Variants in NOSTRIN observed in about 807,000 individuals in gnomAD.
NOSTRIN encodes BM247 homolog.
In NOSTRIN, 63 loss-of-function variants were observed where a neutral mutation model predicts 59.0. The ratio of observed to expected loss-of-function variants is 1.07; its 90% CI spans 0.87 to 1.32. NOSTRIN has a LOEUF of 1.32. NOSTRIN is among the 40% of genes most tolerant of loss of function. The probability of loss-of-function intolerance (pLI) is 0.00; values close to 1 mark genes in which losing one functional copy is unlikely to be tolerated. For missense variants in NOSTRIN, 512 were observed against 473.1 expected (o/e 1.08, Z -0.76); for synonymous variants, 200 against 165.4 (o/e 1.21, Z -1.61).
At chr2:168,831,572 T>A (rs368978425) in intron 6 of NOSTRIN, 38 bp downstream of exon 6, 21 of 829,516 alleles carry the variant, frequency 2.5e-5, no homozygotes, top group Non-Finnish European at 4.3e-5. Flanking sequence ...AAACTCAGTT[T>A]TTAGAATTGA....
chr2:168,858,494 T>C (rs1029157936), intron 12 of NOSTRIN, among the ~76,000 whole-genome samples: 8 of 152,200 alleles, frequency 5.3e-5, no homozygotes, highest in Admixed American at 3.9e-4. Context: ...TCACAAGCAG[T>C]GTCATAAGAA....
rs1689027505 is a variant in NOSTRIN at position 168,855,541 on chromosome 2, C to A, written c.964+81C>A. 5 of 564,458 alleles carry A rather than the reference C, an allele frequency of 8.9e-6. No homozygotes were observed. In the Admixed American group the frequency reaches 1.5e-4, roughly 17 times the overall value. The allele number at this position is 564,458 out of a possible 1,614,324, so 35.0% of individuals were successfully genotyped here. ...TTCATTCAGAGTTAGGATTGATCTG[C>A]TTTTGCTATTTGGCAGGGGTCTTCT... On this transcript the variant is annotated intron_variant, in intron 11 of 15. Transcript: ENST00000317647.
intron 13 of NOSTRIN, 73 bp from the exon 14 acceptor site, chr2:168,860,721 AC>A (rs1689388969): frequency 1.1e-6 from 1 of 933,484 alleles, no homozygotes; most frequent in African/African-American, 1.7e-5. Flanking sequence ...GAAAACAGCT[AC>A]AGAAGAGTTA....
At chr2:168,841,171 G>A (rs1387410824) in intron 7 of NOSTRIN, among the ~76,000 whole-genome samples, 1 of 143,770 alleles carries the variant, frequency 7.0e-6, no homozygotes. Flanking sequence ...AGGTTGCAGT[G>A]AGCCAGTGAG....
chr2:168,864,731 C>G lies in NOSTRIN; in HGVS notation c.1385-103C>G. ...GAATCAAGTGCAGAAAATGACACTA[C>G]CAAGTAAATCCTTGAAGCAGAACCT... is the stretch of plus-strand genomic sequence containing the variant. On this transcript the variant is annotated intron_variant, in intron 15 of 15. Coordinates refer to ENST00000317647, the MANE Select transcript of NOSTRIN (RefSeq NM_001039724.4). The G allele has an allele frequency of 6.7e-6, 9 of 1,346,318 alleles. No homozygotes were observed. The South Asian group carries it at 1.2e-4, about 18-fold the overall frequency. The allele number at this position is 1,346,318 out of a possible 1,614,324, so 83.4% of individuals were successfully genotyped here. A position where few individuals can be genotyped will look rare whatever the true frequency, so the allele number is the denominator to read the frequency against.
chr2:168,836,340 C>G (rs1687721017), intron 7 of NOSTRIN, among the ~76,000 whole-genome samples: 1 of 152,200 alleles, frequency 6.6e-6, no homozygotes, highest in African/African-American at 2.4e-5. Context: ...TCTTCCTACC[C>G]CCATCAGCAG....
At chr2:168,789,445 T>A (rs1685289637) in intron 2 of NOSTRIN, among the ~76,000 whole-genome samples, 1 of 152,156 alleles carries the variant, frequency 6.6e-6, no homozygotes, top group Admixed American at 6.5e-5. Context: ...AACCATCAGA[T>A]CTCATGAGAC....
At chr2:168,845,022 A>C (rs1370813256) in intron 8 of NOSTRIN, among the ~76,000 whole-genome samples, 6 of 152,172 alleles carry the variant, frequency 3.9e-5, no homozygotes, top group South Asian at 2.1e-4. Flanking sequence ...GGATAGATGC[A>C]GAATTAGAGA....
intron 2 of NOSTRIN, among the ~76,000 whole-genome samples, chr2:168,824,341 C>T (rs1686932641): frequency 6.6e-6 from 1 of 152,018 alleles, no homozygotes; most frequent in Non-Finnish European, 1.5e-5. Context: ...CTTTGTCACC[C>T]AGGCTGGAGT....
upstream of NOSTRIN, among the ~76,000 whole-genome samples, chr2:168,799,182 G>A (rs375053776): frequency 1.2e-4 from 18 of 152,220 alleles, no homozygotes; most frequent in East Asian, 2.7e-3. Flanking sequence ...TAACCAGAGC[G>A]TATACTCAGG....
intron 7 of NOSTRIN, 68 bp downstream of exon 7, chr2:168,834,393 A>G: frequency 1.3e-6 from 1 of 783,348 alleles, no homozygotes; most frequent in Non-Finnish European, 2.3e-6. Context: ...CTTAGCTACG[A>G]ACACAAGAGA....
upstream of NOSTRIN, chr2:168,802,579 CA>C: frequency 1.2e-6 from 1 of 848,152 alleles, no homozygotes; most frequent in Non-Finnish European, 2.0e-6. Flanking sequence ...AGGACACACC[CA>C]ACCTTGATTA....
At position 168,853,782 on chromosome 2, in the gene NOSTRIN, G is replaced by A. The variant is rs76853319; in HGVS notation, c.856-1570G>A. Among the ~76,000 whole-genome samples, 53 of 152,284 alleles carry A rather than the reference G, an allele frequency of 3.5e-4. No individual in the cohort carries two copies. In the East Asian group the frequency reaches 9.8e-3, roughly 28 times the overall value. ...GGTAGAGCATTTGGGGTCAACTTGGGCCTTCTTTTATCTGTGTCACAGGTA... is the reference window on the plus strand; with the variant it reads ...GGTAGAGCATTTGGGGTCAACTTGGACCTTCTTTTATCTGTGTCACAGGTA... On this transcript the variant is annotated intron_variant, in intron 10 of 15. Coordinates refer to ENST00000317647, the MANE Select transcript of NOSTRIN (RefSeq NM_001039724.4).
chr2:168,816,599 C>CT (rs1310338725), intron 2 of NOSTRIN, among the ~76,000 whole-genome samples: 1 of 152,232 alleles, frequency 6.6e-6, no homozygotes, highest in African/African-American at 2.4e-5. Context: ...TCAACACATT[C>CT]TTTAAGATCC....
rs941166079 is a variant in NOSTRIN, at chr2:168,819,755, G to A, written c.114-4879G>A. Among the ~76,000 whole-genome samples, 8 of 152,230 alleles carry A rather than the reference G, an allele frequency of 5.3e-5. No homozygotes were observed. The East Asian group carries it at 1.4e-3, about 26-fold the overall frequency. On this transcript the variant is annotated intron_variant, in intron 2 of 15. Coordinates refer to ENST00000317647, the MANE Select transcript of NOSTRIN (RefSeq NM_001039724.4). ...TTTGAATGCTAGTTCTAAACCCTTCGGGGTCATCAATAAGTTGCAGGCAGA... is the reference window on the plus strand; with the variant it reads ...TTTGAATGCTAGTTCTAAACCCTTCAGGGTCATCAATAAGTTGCAGGCAGA...
upstream of NOSTRIN, among the ~76,000 whole-genome samples, chr2:168,800,391 T>C (rs892836879): frequency 2.6e-5 from 4 of 152,200 alleles, no homozygotes; most frequent in Admixed American, 6.5e-5. Context: ...CAAGGCTTTT[T>C]GCACATTCAA....
intron 6 of NOSTRIN, among the ~76,000 whole-genome samples, chr2:168,832,118 T>G (rs1687400117): frequency 6.6e-6 from 1 of 152,242 alleles, no homozygotes; most frequent in Admixed American, 6.5e-5. Flanking sequence ...TATATCAATT[T>G]CATGAGTATG....
intron 7 of NOSTRIN, among the ~76,000 whole-genome samples, chr2:168,835,189 C>T (rs1687646910): frequency 6.6e-6 from 1 of 152,142 alleles, no homozygotes; most frequent in Non-Finnish European, 1.5e-5. Flanking sequence ...ATTATCCCAC[C>T]CCAGCCTCCC....
intron 14 of NOSTRIN, among the ~76,000 whole-genome samples, chr2:168,861,400 C>T (rs902785841): frequency 6.6e-5 from 10 of 152,086 alleles, no homozygotes; most frequent in Admixed American, 6.6e-4. Flanking sequence ...TCTTTCAGCA[C>T]ACACACACGT....
Sources: allele counts gnomAD v4.1 joint callset (sites outside exome capture counted in the v4.1 genomes callset), GRCh38; gene constraint gnomAD v4.1.1; transcripts MANE v1.5; gene names NCBI Gene and HGNC (gene_info 2026-07-23, HGNC 2026-07-21).